LRRK1: variants seen among roughly 807,000 people sequenced by gnomAD.
The protein encoded by LRRK1 is leucine rich repeat kinase 1.
A neutral mutation model predicts 209.1 loss-of-function variants in LRRK1; 113 were observed. The observed-to-expected ratio is 0.54, with a 90% CI of 0.46 to 0.63. The LOEUF is 0.63. Among genes scored for constraint, LRRK1 ranks in the 30% least tolerant of loss-of-function variants. LRRK1 has a pLI of 0.00. For synonymous variants in LRRK1, 1,144 were observed against 1,099.7 expected (o/e 1.04, Z -0.80); for missense variants, 2,284 against 2,632.2 (o/e 0.87, Z 2.89).
At chr15:101,014,184 G>C (rs934813244) in intron 10 of LRRK1, 132 bp from the exon 11 acceptor site, 1 of 678,606 alleles carries the variant, frequency 1.5e-6, no homozygotes, top group Non-Finnish European at 2.6e-6. Flanking sequence ...ACACAGCTGG[G>C]ATCTGCGTGA....
At chr15:100,940,088 T>C (rs189610787) in intron 2 of LRRK1, among the ~76,000 whole-genome samples, 16 of 152,332 alleles carry the variant, frequency 1.1e-4, no homozygotes, top group Admixed American at 9.8e-4. Context: ...GGATGCACGA[T>C]GCACTGTTTC....
intron 20 of LRRK1, among the ~76,000 whole-genome samples, chr15:101,038,589 C>T (rs1187417190): frequency 6.6e-6 from 1 of 152,174 alleles, no homozygotes; most frequent in Non-Finnish European, 1.5e-5. Flanking sequence ...TACCTTTCCC[C>T]ACACTGGGGA....
At chr15:100,957,017 T>C (rs2141629594) in intron 2 of LRRK1, among the ~76,000 whole-genome samples, 1 of 152,354 alleles carries the variant, frequency 6.6e-6, no homozygotes, top group South Asian at 2.1e-4. Context: ...CTGAAGATAC[T>C]TTCTGATTTC....
chr15:100,962,816 T>TATACACATATATATATATATAC lies in LRRK1; in HGVS notation c.98-10985_98-10984insCACATATATATATATATACATA, dbSNP rs1596204721. Among the ~76,000 whole-genome samples the TATACACATATATATATATATAC allele has an allele frequency of 1.8e-3, 59 of 32,698 alleles. 14 individuals carry two copies. Among genetic ancestry groups the TATACACATATATATATATATAC allele is most frequent in the South Asian group, 6.9e-3 (6 of 872 alleles). The allele number at this position is 32,698 out of a possible 152,430, so 21.5% of individuals were successfully genotyped here. A position where few individuals can be genotyped will look rare whatever the true frequency, so the allele number is the denominator to read the frequency against. ...TTGCATATATATATATATATATATA[T>TATACACATATATATATATATAC]ATATATATTTTTTTTTTTTTTTTTG... On this transcript the variant is annotated intron_variant, in intron 2 of 33. Coordinates refer to ENST00000388948, the MANE Select transcript of LRRK1 (RefSeq NM_024652.6).
chr15:101,041,490 A>T (rs1014672149), intron 20 of LRRK1, among the ~76,000 whole-genome samples: 2 of 151,864 alleles, frequency 1.3e-5, no homozygotes, highest in Admixed American at 6.6e-5. Context: ...TAGTATTTTC[A>T]TGCTCTCTGT....
At chr15:100,941,330 G>GCC (rs1567190717) in intron 2 of LRRK1, among the ~76,000 whole-genome samples, 2 of 150,352 alleles carry the variant, frequency 1.3e-5, no homozygotes, top group Non-Finnish European at 3.0e-5. Context: ...GTGTGTGTCT[G>GCC]TGTCTCTGTG....
intron 33 of LRRK1, chr15:101,067,179 G>C: frequency 4.5e-6 from 2 of 445,922 alleles, no homozygotes; most frequent in South Asian, 3.2e-5. Flanking sequence ...TGGGGTCTCA[G>C]CTCCTGCCCT....
chr15:100,982,374 C>A (rs944810639), intron 3 of LRRK1, among the ~76,000 whole-genome samples: 3 of 152,242 alleles, frequency 2.0e-5, no homozygotes, highest in African/African-American at 7.2e-5. Context: ...ATCCTTTTCT[C>A]AGACCCAGAG....
intron 21 of LRRK1, among the ~76,000 whole-genome samples, chr15:101,046,453 C>A (rs1028841963): frequency 9.2e-5 from 14 of 152,320 alleles, no homozygotes; most frequent in African/African-American, 3.4e-4. Flanking sequence ...AGTTTGGTGG[C>A]CCCACCCGAG....
At position 101,053,069 on chromosome 15, in the gene LRRK1, C is replaced by A. The variant is rs893772249; in HGVS notation, c.3837C>A (p.Asn1279Lys). The change falls in exon 25 of 34, where the codon AAC becomes AAA. Residue 1279 changes from asparagine to lysine, a missense_variant. This residue lies in a region of LRRK1 where 780 missense variants were observed against 985.2 expected (regional missense o/e 0.79). Transcript: ENST00000388948. ...VKRFHIKKFK[N>K]FANVPADTML... ...GCTTCCACATCAAAAAATTCAAGAA[C>A]TTTGCTAACGTACCGGCAGGTAAGC... is the stretch of plus-strand genomic sequence containing the variant. 6.2e-7 allele frequency: 1 copy of A among 1,610,174 alleles called. No homozygotes were observed. Among genetic ancestry groups the A allele is most frequent in the Admixed American group, 1.7e-5 (1 of 59,960 alleles).
At chr15:101,049,132 G>A (rs9672450) in intron 22 of LRRK1, among the ~76,000 whole-genome samples, 3,499 of 152,194 alleles carry the variant, frequency 0.023, 119 homozygotes, top group African/African-American at 0.077. Flanking sequence ...TTTTGAGAGC[G>A]GTAGACCTAA....
chr15:100,988,599 TG>T, intron 4 of LRRK1, 34 bp from the exon 5 acceptor site: 3 of 1,610,200 alleles, frequency 1.9e-6, no homozygotes, highest in Non-Finnish European at 2.5e-6. Flanking sequence ...CACCCTTCAG[TG>T]GCACTTTCCC....
intron 1 of LRRK1, among the ~76,000 whole-genome samples, chr15:100,923,298 C>T (rs1041825524): frequency 3.3e-5 from 5 of 152,156 alleles, no homozygotes; most frequent in African/African-American, 4.8e-5. Flanking sequence ...AGTCACACTG[C>T]GAACATGTGA....
At chr15:100,937,339 C>T (rs796223076) in intron 2 of LRRK1, among the ~76,000 whole-genome samples, 9 of 152,144 alleles carry the variant, frequency 5.9e-5, no homozygotes, top group African/African-American at 1.4e-4. Flanking sequence ...TACCAATTGC[C>T]GTCTCTTCCA....
At chr15:100,971,522 G>T (rs2030887715) in intron 2 of LRRK1, among the ~76,000 whole-genome samples, 1 of 152,086 alleles carries the variant, frequency 6.6e-6, no homozygotes, top group Non-Finnish European at 1.5e-5. Flanking sequence ...GGATGATAGT[G>T]TTGAAGTCAA....
At chr15:101,033,955 C>A (rs1245064903) in intron 20 of LRRK1, among the ~76,000 whole-genome samples, 1 of 150,836 alleles carries the variant, frequency 6.6e-6, no homozygotes, top group African/African-American at 2.4e-5. Flanking sequence ...CTGATAGTAG[C>A]TGTTCAACTG....
rs199512110 is a variant in LRRK1 at position 101,015,323 on chromosome 15, C to A, written c.1533-3C>A. ...AAATTTTGTCTCTTTTTCCTCCCCC[C>A]AGAAATGAAGATGGACTGAAAACGA... On this transcript the variant is annotated splice_region_variant and splice_polypyrimidine_tract_variant and intron_variant, in intron 11 of 33. Coordinates refer to ENST00000388948, the MANE Select transcript of LRRK1 (RefSeq NM_024652.6). 22 of 1,613,144 alleles carry A rather than the reference C, an allele frequency of 1.4e-5. No homozygotes were observed. The highest frequency in any genetic ancestry group is 1.1e-4 in the East Asian group (5 of 44,868).
Position 100,980,151 on chromosome 15 carries a change from A to G in LRRK1, c.262-3377A>G, listed in dbSNP as rs113969932. 5.0e-3 allele frequency among the ~76,000 whole-genome samples: 759 copies of G among 152,296 alleles called. 12 individuals carry two copies. Among genetic ancestry groups the G allele is most frequent in the Middle Eastern group, 0.017 (5 of 294 alleles). On this transcript the variant is annotated intron_variant, in intron 3 of 33. Transcript: ENST00000388948. ...ATGTGTCATACCAACTTTATTTGTAATGGCCCAAAACTGGATACAACCAAA... is the reference window on the plus strand; with the variant it reads ...ATGTGTCATACCAACTTTATTTGTAGTGGCCCAAAACTGGATACAACCAAA...
chr15:100,947,913 A>T (rs1053665369), intron 2 of LRRK1, among the ~76,000 whole-genome samples: 1 of 152,240 alleles, frequency 6.6e-6, no homozygotes, highest in Admixed American at 6.5e-5. Context: ...CTGCTCCATG[A>T]CCTTTGTCTG....
Sources: allele counts gnomAD v4.1 joint callset (sites outside exome capture counted in the v4.1 genomes callset), GRCh38; gene constraint gnomAD v4.1.1; regional missense constraint gnomAD v4.1.1; transcripts MANE v1.5; gene names NCBI Gene and HGNC (gene_info 2026-07-23, HGNC 2026-07-21).